CDH26: variants seen among roughly 807,000 people sequenced by gnomAD.
CDH26 encodes cadherin-like protein 26.
CDH26 carries 83 observed loss-of-function variants against 90.3 expected under a neutral mutation model. That is an observed-to-expected ratio of 0.92 (90% CI 0.77 to 1.10). The LOEUF is 1.10. Ranked by LOEUF, CDH26 falls within the 50% of genes least tolerant of loss-of-function variation. The pLI is 0.00. For synonymous variants in CDH26, 397 were observed against 396.3 expected (o/e 1.00, Z -0.02); for missense variants, 1,013 against 1,037.6 (o/e 0.98, Z 0.33).
At chr20:59,991,221 A>G (rs542337598) in intron 9 of CDH26, among the ~76,000 whole-genome samples, 1 of 152,228 alleles carries the variant, frequency 6.6e-6, no homozygotes, top group Non-Finnish European at 1.5e-5. Context: ...GCCTTTCCTA[A>G]TTCATTGCTG....
At chr20:59,972,287 C>G (rs1414300031) in intron 4 of CDH26, among the ~76,000 whole-genome samples, 164 bp downstream of exon 4, 1 of 152,134 alleles carries the variant, frequency 6.6e-6, no homozygotes, top group Non-Finnish European at 1.5e-5. Flanking sequence ...TTGTAATCTT[C>G]TTTTAGAGTT....
chr20:59,971,737 C>A (rs1378688490), intron 3 of CDH26, among the ~76,000 whole-genome samples: 1 of 152,120 alleles, frequency 6.6e-6, no homozygotes, highest in Non-Finnish European at 1.5e-5. Context: ...TGTTGATGAA[C>A]ATTTATGCTA....
At chr20:59,996,232 A>C in intron 12 of CDH26, 178 bp downstream of exon 12, 1 of 1,013,850 alleles carries the variant, frequency 9.9e-7, no homozygotes, top group Non-Finnish European at 1.4e-6. Flanking sequence ...CATGCTGGCC[A>C]GGCAAGATCC....
At chr20:59,963,283 C>T (rs1457730678) in intron 1 of CDH26, among the ~76,000 whole-genome samples, 1 of 139,590 alleles carries the variant, frequency 7.2e-6, no homozygotes, top group Non-Finnish European at 1.5e-5. Context: ...CAGGGTCTCA[C>T]TCTGCTGCCC....
intron 16 of CDH26, 104 bp downstream of exon 16, chr20:60,002,970 T>TA (rs1056416781): frequency 1.2e-3 from 868 of 698,192 alleles, no homozygotes; most frequent in South Asian, 2.2e-3. Flanking sequence ...AAAGAGGTGA[T>TA]AAAAAAAAAT....
chr20:60,006,672 G>A (rs2061755585), intron 16 of CDH26, 41 bp from the exon 17 acceptor site: 2 of 1,478,734 alleles, frequency 1.4e-6, no homozygotes. Flanking sequence ...GGTAGGACAA[G>A]GGCTCTGCTG....
intron 15 of CDH26, chr20:60,001,724 G>A: frequency 1.4e-6 from 1 of 699,078 alleles, no homozygotes; most frequent in Non-Finnish European, 1.8e-6. Flanking sequence ...CATCTATAAA[G>A]TTAAAAGCAC....
chr20:59,992,652 G>A lies in CDH26; in HGVS notation c.1426+132G>A. On this transcript the variant is annotated intron_variant, in intron 10 of 17. Transcript: ENST00000348616. This position sits in a 1 kb window ranked among gnomAD's most constrained non-coding sequence, Gnocchi z 5.0. The stretch of plus-strand genomic sequence containing the variant: ...AACCTTGTTATCACTCTGCATCCAT[G>A]CTGGTGATTATTTTTGGTAATAATT... The A allele has an allele frequency of 1.2e-6, 1 of 868,060 alleles. No homozygotes were observed. The highest frequency in any genetic ancestry group is 1.8e-6 in the Non-Finnish European group (1 of 566,348). The allele number at this position is 868,060 out of a possible 1,614,324, so 53.8% of individuals were successfully genotyped here.
chr20:59,992,653 C>A lies in CDH26; in HGVS notation c.1426+133C>A, dbSNP rs1421203070. ...ACCTTGTTATCACTCTGCATCCATG[C>A]TGGTGATTATTTTTGGTAATAATTC... On this transcript the variant is annotated intron_variant, in intron 10 of 17. Coordinates refer to ENST00000348616, the MANE Select transcript of CDH26 (RefSeq NM_177980.4). This position sits in a 1 kb window ranked among gnomAD's most constrained non-coding sequence, Gnocchi z 5.0. 9.3e-6 allele frequency: 8 copies of A among 863,762 alleles called. No individual in the cohort carries two copies. The highest frequency in any genetic ancestry group is 3.0e-4 in the Middle Eastern group (1 of 3,354). 53.5% of individuals were successfully genotyped at this position (863,762 alleles called of 1,614,324 possible). A position where few individuals can be genotyped will look rare whatever the true frequency, so the allele number is the denominator to read the frequency against.
downstream of CDH26, among the ~76,000 whole-genome samples, chr20:60,017,457 C>A (rs1010987952): frequency 4.6e-5 from 7 of 151,920 alleles, no homozygotes; most frequent in Non-Finnish European, 1.0e-4. Context: ...TGTGACATCT[C>A]AATTTTTTGT....
At chr20:59,980,650 A>G (rs758628623) in intron 4 of CDH26, among the ~76,000 whole-genome samples, 11 of 152,308 alleles carry the variant, frequency 7.2e-5, no homozygotes, top group South Asian at 6.2e-4. Flanking sequence ...TTGTCAGCAT[A>G]TGAAATGGAA....
At chr20:59,961,031 T>G (rs771889686) in intron 1 of CDH26, among the ~76,000 whole-genome samples, 3 of 152,376 alleles carry the variant, frequency 2.0e-5, no homozygotes, top group South Asian at 2.1e-4. Flanking sequence ...AGAATTTTCT[T>G]GGTCACATTT....
At position 60,012,675 on chromosome 20, in the gene CDH26, G is replaced by A; in HGVS notation, c.2444G>A (p.Gly815Asp). ...ELQPDLLDSLGSKATPFEEIY... is the reference protein window; with the variant it reads ...ELQPDLLDSLDSKATPFEEIY... ...CAACCTGATTTGCTGGACTCTTTGGGTTCAAAAGCGACTCCGTTTGAGGAA... is the reference window on the plus strand; with the variant it reads ...CAACCTGATTTGCTGGACTCTTTGGATTCAAAAGCGACTCCGTTTGAGGAA... Residue 815 changes from glycine (G) to aspartate (D), a missense_variant, in exon 18 of 18, where the codon GGT becomes GAT. Physicochemically the swap from Gly to Asp is moderately conservative, Grantham distance 94. Coordinates refer to ENST00000348616, the MANE Select transcript of CDH26 (RefSeq NM_177980.4). The A allele has an allele frequency of 6.5e-7, 1 of 1,546,820 alleles. No homozygotes were observed. Among genetic ancestry groups the A allele is most frequent in the Non-Finnish European group, 8.8e-7 (1 of 1,136,612 alleles).
At position 59,984,999 on chromosome 20, in the gene CDH26, A is replaced by G. The variant is rs768090380; in HGVS notation, c.709-2A>G. On this transcript the variant is annotated splice_acceptor_variant, in intron 6 of 17. Transcript: ENST00000348616. LOFTEE classifies it high-confidence loss of function. ...CTTAACTTTCCTTTTCCTCCCACAT[A>G]GACCGCTCCTCAGTTTACACTGCTA... is the stretch of plus-strand genomic sequence containing the variant. 1 of 1,613,870 alleles carries G rather than the reference A, an allele frequency of 6.2e-7. No individual in the cohort carries two copies. Among genetic ancestry groups the G allele is most frequent in the Non-Finnish European group, 8.5e-7 (1 of 1,179,836 alleles).
intron 8 of CDH26, 65 bp downstream of exon 8, chr20:59,987,703 C>T (rs2061477082): frequency 1.4e-6 from 2 of 1,404,036 alleles, no homozygotes; most frequent in African/African-American, 2.9e-5. Flanking sequence ...TCTGTAGGAT[C>T]ACTCACAATG....
chr20:60,017,345 G>A (rs572747548), downstream of CDH26, among the ~76,000 whole-genome samples: 1 of 152,116 alleles, frequency 6.6e-6, no homozygotes, highest in East Asian at 1.9e-4. Flanking sequence ...TTAGTAGGTT[G>A]TATGTGTTCA....
At chr20:60,028,478 A>T (rs2062015731) in intron 7 of CDH26, among the ~76,000 whole-genome samples, 1 of 152,232 alleles carries the variant, frequency 6.6e-6, no homozygotes, top group East Asian at 1.9e-4. Context: ...AATCCAAATA[A>T]AAAAGCATTT....
chr20:59,998,516 C>T (rs1397308380), intron 13 of CDH26, among the ~76,000 whole-genome samples: 1 of 152,158 alleles, frequency 6.6e-6, no homozygotes, highest in Non-Finnish European at 1.5e-5. Context: ...TGGTCAAAGA[C>T]CAGCTATGCC....
At chr20:59,971,858 A>T (rs1221421331) in intron 3 of CDH26, 104 bp from the exon 4 acceptor site, 3 of 879,844 alleles carry the variant, frequency 3.4e-6, no homozygotes. Flanking sequence ...ATTGCTGGGT[A>T]TAATTTCTTA....
Sources: allele counts gnomAD v4.1 joint callset (sites outside exome capture counted in the v4.1 genomes callset), GRCh38; gene constraint gnomAD v4.1.1; non-coding constraint Gnocchi (gnomAD v3.1); transcripts MANE v1.5; gene names NCBI Gene and HGNC (gene_info 2026-07-23, HGNC 2026-07-21).